Variants in ART3 observed in about 807,000 individuals in gnomAD.
ART3 encodes ADP-ribosyltransferase 3 (inactive).
In ART3, 49 loss-of-function variants were observed where a neutral mutation model predicts 48.5. That is an observed-to-expected ratio of 1.01 (90% CI 0.80 to 1.28). The LOEUF (loss-of-function observed/expected upper bound fraction) is 1.28. Ranked by LOEUF, ART3 falls within the 50% of genes most tolerant of loss-of-function variation. The pLI is 0.00. For missense variants in ART3, 438 were observed against 454.3 expected (o/e 0.96, Z 0.33); for synonymous variants, 145 against 157.2 (o/e 0.92, Z 0.58).
At chr4:76,066,182 TCTC>T (rs1259043716) in intron 1 of ART3, among the ~76,000 whole-genome samples, 1 of 152,212 alleles carries the variant, frequency 6.6e-6, no homozygotes, top group Non-Finnish European at 1.5e-5. Flanking sequence ...TTTTCATACT[TCTC>T]CTTGTGTTAT....
intron 2 of ART3, among the ~76,000 whole-genome samples, chr4:76,078,827 TC>T (rs1721732090): frequency 6.6e-6 from 1 of 152,144 alleles, no homozygotes; most frequent in African/African-American, 2.4e-5. Flanking sequence ...ACGCCTGTAA[TC>T]CCAGCACTTT....
upstream of ART3, among the ~76,000 whole-genome samples, chr4:76,074,292 T>C (rs537378386): frequency 6.6e-6 from 1 of 152,334 alleles, no homozygotes; most frequent in South Asian, 2.1e-4. Context: ...TACTTGCTTA[T>C]GTATCCCGAC....
chr4:76,108,410 T>G (rs1728871456), intron 11 of ART3, among the ~76,000 whole-genome samples: 1 of 152,204 alleles, frequency 6.6e-6, no homozygotes, highest in Admixed American at 6.5e-5. Flanking sequence ...GTTCTGAGTT[T>G]GATTATTTTA....
intron 1 of ART3, among the ~76,000 whole-genome samples, chr4:76,068,126 A>C (rs1163701603): frequency 6.6e-6 from 1 of 152,222 alleles, no homozygotes; most frequent in Non-Finnish European, 1.5e-5. Flanking sequence ...GTATGTAGGC[A>C]AGATAGTTTT....
At chr4:76,069,520 G>A (rs1180538044) in intron 1 of ART3, among the ~76,000 whole-genome samples, 1 of 150,670 alleles carries the variant, frequency 6.6e-6, no homozygotes, top group Non-Finnish European at 1.5e-5. Context: ...CTCCCTAATG[G>A]CTGGGATTAC....
intron 3 of ART3, among the ~76,000 whole-genome samples, chr4:76,090,524 G>C (rs1168373371): frequency 6.6e-6 from 1 of 152,178 alleles, no homozygotes; most frequent in African/African-American, 2.4e-5. Context: ...AAGAGATAGG[G>C]AACTTGTGGG....
At chr4:76,109,380 G>A (rs1485980836) in intron 11 of ART3, among the ~76,000 whole-genome samples, 1 of 152,018 alleles carries the variant, frequency 6.6e-6, no homozygotes, top group Non-Finnish European at 1.5e-5. Context: ...AAGGTCTTCA[G>A]GGGTAGTAAC....
At chr4:76,052,428 G>C (rs1578338581) in intron 1 of ART3, among the ~76,000 whole-genome samples, 1 of 152,174 alleles carries the variant, frequency 6.6e-6, no homozygotes, top group South Asian at 2.1e-4. Context: ...ATGCTTGAGA[G>C]AGCCACTGGT....
At chr4:76,035,898 T>G in intron 1 of ART3, 1 of 1,595,782 alleles carries the variant, frequency 6.3e-7, no homozygotes, top group Non-Finnish European at 8.6e-7. Flanking sequence ...AAGGAACTTA[T>G]AGGTTGAGAA....
rs531809177 is a variant in ART3 at position 76,039,214 on chromosome 4, C to T, written c.-10+27894C>T. Among the ~76,000 whole-genome samples the T allele has an allele frequency of 2.6e-5, 4 of 152,094 alleles. No individual in the cohort carries two copies. In the South Asian group the frequency reaches 6.2e-4, roughly 24 times the overall value. On this transcript the variant is annotated intron_variant, in intron 1 of 9. Coordinates refer to the ART3 transcript ENST00000341029. ...TCCTGGGTTCAAGCGATTTTCTTGCCTCAGCCTCCCAAGTAGCTGGGATTA... is the reference window on the plus strand; with the variant it reads ...TCCTGGGTTCAAGCGATTTTCTTGCTTCAGCCTCCCAAGTAGCTGGGATTA...
chr4:76,075,803 A>G, intron 1 of ART3, 78 bp from the exon 2 acceptor site: 1 of 1,068,406 alleles, frequency 9.4e-7, no homozygotes, highest in Non-Finnish European at 1.4e-6. Context: ...ATGAAAAAAT[A>G]CGCAGTGTCA....
chr4:76,033,689 A>T (rs1277244905), intron 1 of ART3: 1 of 152,184 alleles, frequency 6.6e-6, no homozygotes, highest in Non-Finnish European at 1.5e-5. Flanking sequence ...ATCTTTTTTT[A>T]AAAAAGAAAG....
intron 11 of ART3, among the ~76,000 whole-genome samples, chr4:76,111,132 G>A (rs1022620288): frequency 2.0e-5 from 3 of 152,150 alleles, no homozygotes; most frequent in Admixed American, 6.5e-5. Flanking sequence ...AATGTTTCGA[G>A]TATCCTCTTA....
At chr4:76,079,785 G>C (rs750706188) in intron 2 of ART3, among the ~76,000 whole-genome samples, 2 of 152,072 alleles carry the variant, frequency 1.3e-5, no homozygotes, top group African/African-American at 2.4e-5. Context: ...ATGTTTGTTC[G>C]TGAGGGAGAG....
At chr4:76,051,678 T>A (rs1382293640) in intron 1 of ART3, among the ~76,000 whole-genome samples, 4 of 151,920 alleles carry the variant, frequency 2.6e-5, no homozygotes, top group Non-Finnish European at 4.4e-5. Flanking sequence ...TAGCTGGGAC[T>A]ATGGGCACAC....
chr4:76,045,994 C>T (rs1735464949), intron 1 of ART3, among the ~76,000 whole-genome samples: 1 of 151,998 alleles, frequency 6.6e-6, no homozygotes, highest in African/African-American at 2.4e-5. Context: ...ACACCTTGTA[C>T]CCTTGATTAG....
chr4:76,100,191 TATAGTC>T (rs1167751790), intron 5 of ART3, 94 bp from the exon 6 acceptor site: 1 of 1,226,588 alleles, frequency 8.2e-7, no homozygotes, highest in East Asian at 2.5e-5. Flanking sequence ...AATGGTTCTT[TATAGTC>T]ATATTTCCTG....
At chr4:76,071,386 C>T (rs1269794950), upstream of ART3, among the ~76,000 whole-genome samples, 1 of 151,292 alleles carries the variant, frequency 6.6e-6, no homozygotes, top group African/African-American at 2.4e-5. Flanking sequence ...AAAAAAAATT[C>T]TTGGACTCTC....
rs781232593 is a variant in ART3, at chr4:76,076,000, A to G, written c.69+42A>G. ...GAAGCATGTGGTCATTGGAATGGAA[A>G]TTCGTTTTTTTTTTTTTTTGAGACG... is the stretch of plus-strand genomic sequence containing the variant. On this transcript the variant is annotated intron_variant, in intron 2 of 11. Coordinates refer to ENST00000355810, the MANE Select transcript of ART3 (RefSeq NM_001130016.3). The G allele has an allele frequency of 1.4e-5, 18 of 1,278,596 alleles. No homozygotes were observed. The South Asian group carries it at 1.4e-4, about 10-fold the overall frequency. 79.2% of individuals were successfully genotyped at this position (1,278,596 alleles called of 1,614,324 possible).
Sources: gnomAD v4.1 joint callset for allele counts (sites outside exome capture counted in the v4.1 genomes callset) on GRCh38, gnomAD v4.1.1 for gene constraint, MANE v1.5 for transcripts, NCBI Gene and HGNC (gene_info 2026-07-23, HGNC 2026-07-21) for gene names.